The following PTPN18 variants were observed in gnomAD, a reference collection of about 807,000 sequenced individuals.
The protein encoded by PTPN18 is tyrosine-protein phosphatase non-receptor type 18.
PTPN18 carries 65 observed loss-of-function variants against 65.4 expected under a neutral mutation model. The ratio of observed to expected loss-of-function variants is 0.99; its 90% confidence interval spans 0.81 to 1.22. The LOEUF (loss-of-function observed/expected upper bound fraction) is 1.22, where lower values mean the gene tolerates loss of function less well. PTPN18 is among the 50% of genes most tolerant of loss of function. PTPN18 has a pLI of 0.00. For synonymous variants in PTPN18, 255 were observed against 267.8 expected (o/e 0.95, Z 0.47); for missense variants, 616 against 646.5 (o/e 0.95, Z 0.51).
chr2:130,372,595 G>A, intron 13 of PTPN18, 112 bp downstream of exon 13: 2 of 1,272,958 alleles, frequency 1.6e-6, no homozygotes, highest in Non-Finnish European at 1.0e-6. Flanking sequence ...CCAGCCGCTA[G>A]CCTGGCCACG....
intron 5 of PTPN18, among the ~76,000 whole-genome samples, chr2:130,365,153 A>G (rs928327762): frequency 1.3e-5 from 2 of 152,222 alleles, no homozygotes; most frequent in African/African-American, 4.8e-5. Context: ...ATTACTGAGT[A>G]TCAATCATTT....
Position 130,375,125 on chromosome 2 carries a change from C to T in PTPN18, c.*1901C>T. 5.6e-6 allele frequency: 1 copy of T among 177,054 alleles called. No individual in the cohort carries two copies. Among genetic ancestry groups the T allele is most frequent in the South Asian group, 1.3e-4 (1 of 7,748 alleles). 11.0% of individuals were successfully genotyped at this position (177,054 alleles called of 1,614,324 possible). ...TCCCACTCTCCCAATGCCCCTGCCACTCCTGTGAGCCTGCTGCTGGTGAGG... is the reference window on the plus strand; with the variant it reads ...TCCCACTCTCCCAATGCCCCTGCCATTCCTGTGAGCCTGCTGCTGGTGAGG... On this transcript the variant is annotated 3_prime_UTR_variant, in exon 15 of 15. Transcript: ENST00000175756.
chr2:130,373,299 C>T lies in PTPN18; in HGVS notation c.*75C>T, dbSNP rs75019889. 4.6e-3 allele frequency: 6,270 copies of T among 1,363,010 alleles called. 227 individuals carry two copies. The African/African-American group carries it at 0.079, about 17-fold the overall frequency. 84.4% of individuals were successfully genotyped at this position (1,363,010 alleles called of 1,614,324 possible). A position where few individuals can be genotyped will look rare whatever the true frequency, so the allele number is the denominator to read the frequency against. Reference sequence around the variant, plus strand: ...TGCCCCGGTGCTGCTGAGCGCCGTGCGCAGAATGGAAACAGTGGGCCTGGA... The same window carrying T: ...TGCCCCGGTGCTGCTGAGCGCCGTGTGCAGAATGGAAACAGTGGGCCTGGA... On this transcript the variant is annotated 3_prime_UTR_variant, in exon 15 of 15. Coordinates refer to ENST00000175756, the MANE Select transcript of PTPN18 (RefSeq NM_014369.4). The surrounding 1 kb of genome is among the most constrained non-coding windows in gnomAD (Gnocchi z 4.1).
Position 130,366,610 on chromosome 2 carries a change from T to C in PTPN18, c.415-2523T>C, listed in dbSNP as rs144728595. Among the ~76,000 whole-genome samples, 9 of 152,352 alleles carry C rather than the reference T, an allele frequency of 5.9e-5. No individual in the cohort carries two copies. In the East Asian group the frequency reaches 1.2e-3, roughly 20 times the overall value. ...TGGTGCCAGGGTAATACTAGCCTCA[T>C]ACAATATGTTGGGAAATGGTTCCTC... On this transcript the variant is annotated intron_variant, in intron 5 of 14. Coordinates refer to ENST00000175756, the MANE Select transcript of PTPN18 (RefSeq NM_014369.4).
Position 130,356,165 on chromosome 2 carries a change from G to A in PTPN18, c.58G>A (p.Gly20Ser), listed in dbSNP as rs753369736. ...SFLERLEARG[G>S]REGAVLAGEF... ...CCTGGAGCGGCTGGAAGCGCGGGGC[G>A]GCCGGGAGGGGGCAGTCCTCGCCGG... Residue 20 changes from glycine (G) to serine (S), a missense_variant, in exon 1 of 15, where the codon GGC becomes AGC. Around this residue, in one of 3 missense-constraint regions of PTPN18, gnomAD observed 223 missense variants for 210.0 expected, o/e 1.06. Transcript: ENST00000175756. The A allele has an allele frequency of 9.1e-6, 12 of 1,313,516 alleles. No homozygotes were observed. Among genetic ancestry groups the A allele is most frequent in the Non-Finnish European group, 1.2e-5 (12 of 1,036,062 alleles). The allele number at this position is 1,313,516 out of a possible 1,614,324, so 81.4% of individuals were successfully genotyped here. A position where few individuals can be genotyped will look rare whatever the true frequency, so the allele number is the denominator to read the frequency against.
chr2:130,357,254 G>A (rs1275028886), intron 1 of PTPN18, among the ~76,000 whole-genome samples: 1 of 152,106 alleles, frequency 6.6e-6, no homozygotes, highest in East Asian at 1.9e-4. Context: ...TACAATACAG[G>A]TAGTGCAAGC....
At position 130,373,443 on chromosome 2, in the gene PTPN18, G is replaced by A; in HGVS notation, c.*219G>A. The A allele has an allele frequency of 2.1e-6, 1 of 472,714 alleles. No individual in the cohort carries two copies. The highest frequency in any genetic ancestry group is 3.9e-5 in the South Asian group (1 of 25,384). The allele number at this position is 472,714 out of a possible 1,614,324, so 29.3% of individuals were successfully genotyped here. A position where few individuals can be genotyped will look rare whatever the true frequency, so the allele number is the denominator to read the frequency against. On this transcript the variant is annotated 3_prime_UTR_variant, in exon 15 of 15. Transcript: ENST00000175756. The surrounding 1 kb of genome is among the most constrained non-coding windows in gnomAD (Gnocchi z 4.1). Reference sequence around the variant, plus strand: ...ATAGTGGCTGGTGAGGCTGCACAGAGCAGATTCAAGAAAGAAGATCAGGAA... The same window carrying A: ...ATAGTGGCTGGTGAGGCTGCACAGAACAGATTCAAGAAAGAAGATCAGGAA...
rs1680550065 is a variant in PTPN18 at position 130,371,095 on chromosome 2, A to G, written c.925-104A>G. On this transcript the variant is annotated intron_variant, in intron 11 of 14. Transcript: ENST00000175756. Reference sequence around the variant, plus strand: ...ATGACATCCACCTGTGCCCTCCTCCAGGCATCCTTATCAGGCTCTCCCATC... The same window carrying G: ...ATGACATCCACCTGTGCCCTCCTCCGGGCATCCTTATCAGGCTCTCCCATC... The G allele has an allele frequency of 2.9e-6, 4 of 1,375,248 alleles. No individual in the cohort carries two copies. In the East Asian group the frequency reaches 9.3e-5, roughly 32 times the overall value. 85.2% of individuals were successfully genotyped at this position (1,375,248 alleles called of 1,614,324 possible). A position where few individuals can be genotyped will look rare whatever the true frequency, so the allele number is the denominator to read the frequency against.
chr2:130,372,439 C>A lies in PTPN18; in HGVS notation c.1196C>A (p.Pro399His). The A allele has an allele frequency of 7.3e-7, 1 of 1,368,292 alleles. No individual in the cohort carries two copies. Among genetic ancestry groups the A allele is most frequent in the South Asian group, 1.7e-5 (1 of 58,456 alleles). The allele number at this position is 1,368,292 out of a possible 1,614,324, so 84.8% of individuals were successfully genotyped here. Residue 399 changes from proline to histidine, a missense_variant, in exon 13 of 15, where the codon CCC (proline) becomes CAC (histidine). Transcript: ENST00000175756. The part of the protein sequence containing the change: ...YSKVTPRAQR[P>H]GAHAEDARGT... ...AAGGTGACGCCGCGCGCCCAGCGAC[C>A]CGGGGCGCACGCGGAGGACGCGAGG...
chr2:130,368,990 T>G (rs1680468589), intron 5 of PTPN18, 143 bp from the exon 6 acceptor site: 1 of 625,988 alleles, frequency 1.6e-6, no homozygotes, highest in South Asian at 2.1e-5. Context: ...ATGGCTCTGT[T>G]GGCTGGCGTC....
chr2:130,357,873 AAG>A, intron 1 of PTPN18, among the ~76,000 whole-genome samples: 1 of 151,344 alleles, frequency 6.6e-6, no homozygotes, highest in Admixed American at 6.6e-5. Context: ...AAAAAAAAAA[AAG>A]TAACAGATAA....
chr2:130,358,767 T>C, intron 1 of PTPN18, 100 bp from the exon 2 acceptor site: 1 of 922,502 alleles, frequency 1.1e-6, no homozygotes, highest in Non-Finnish European at 1.7e-6. Flanking sequence ...CCCAGGCCAC[T>C]GGCTTTGTAT....
intron 1 of PTPN18, among the ~76,000 whole-genome samples, chr2:130,357,839 G>C (rs1470333952): frequency 1.5e-5 from 2 of 134,458 alleles, no homozygotes; most frequent in African/African-American, 5.9e-5. Flanking sequence ...CTGGGCAACA[G>C]AGCGAGACTC....
Position 130,374,600 on chromosome 2 carries a change from CA to C in PTPN18, c.*1380del. Reference sequence around the variant, plus strand: ...GTGTGGACAAATCTCCAAGTCACTGCAAAATGGAAAAAGTATAAGATGCTCT... The same window carrying C: ...GTGTGGACAAATCTCCAAGTCACTGCAAATGGAAAAAGTATAAGATGCTCT... On this transcript the variant is annotated 3_prime_UTR_variant, in exon 15 of 15. Transcript: ENST00000175756. The C allele has an allele frequency of 2.1e-6, 1 of 470,970 alleles. No homozygotes were observed. Among genetic ancestry groups the C allele is most frequent in the Non-Finnish European group, 4.4e-6 (1 of 226,968 alleles). 29.2% of individuals were successfully genotyped at this position (470,970 alleles called of 1,614,324 possible). A position where few individuals can be genotyped will look rare whatever the true frequency, so the allele number is the denominator to read the frequency against.
At chr2:130,360,557 T>C (rs1039250226) in intron 5 of PTPN18, among the ~76,000 whole-genome samples, 3 of 152,226 alleles carry the variant, frequency 2.0e-5, no homozygotes, top group African/African-American at 7.2e-5. Context: ...TCTTTTTTCA[T>C]GCTCCTGCCT....
Position 130,369,116 on chromosome 2 carries a change from TC to T in PTPN18, c.415-14del, listed in dbSNP as rs1221491861. On this transcript the variant is annotated splice_polypyrimidine_tract_variant and intron_variant, in intron 5 of 14. Coordinates refer to ENST00000175756, the MANE Select transcript of PTPN18 (RefSeq NM_014369.4). ...CCCTCTTCTCACTCCCTGCCTTTTCTCCCTTACCTTTTGCAGAAAAGGTGTG... is the reference window on the plus strand; with the variant it reads ...CCCTCTTCTCACTCCCTGCCTTTTCTCCTTACCTTTTGCAGAAAAGGTGTG... 6.2e-7 allele frequency: 1 copy of T among 1,601,792 alleles called. No individual in the cohort carries two copies. Among genetic ancestry groups the T allele is most frequent in the Non-Finnish European group, 8.5e-7 (1 of 1,171,568 alleles).
At position 130,359,214 on chromosome 2, in the gene PTPN18, T is replaced by C. The variant is rs1680103708; in HGVS notation, c.203-19T>C. ...CTATCCTACCCAAACTCCACGTTTC[T>C]CACCTTATCTGCTGACAGATGATCA... On this transcript the variant is annotated intron_variant, in intron 2 of 14. Coordinates refer to ENST00000175756, the MANE Select transcript of PTPN18 (RefSeq NM_014369.4). The C allele has an allele frequency of 1.2e-6, 2 of 1,613,712 alleles. No homozygotes were observed. The highest frequency in any genetic ancestry group is 1.6e-4 in the Middle Eastern group (1 of 6,062).
chr2:130,362,656 A>C (rs1322754325), intron 5 of PTPN18, among the ~76,000 whole-genome samples: 1 of 152,124 alleles, frequency 6.6e-6, no homozygotes, highest in East Asian at 1.9e-4. Flanking sequence ...TTATAGTTCT[A>C]TATATAAAAT....
chr2:130,356,528 G>A, intron 1 of PTPN18: 1 of 507,726 alleles, frequency 2.0e-6, no homozygotes, highest in Non-Finnish European at 3.9e-6. Flanking sequence ...AGGGGAGGGC[G>A]GGCGGCCCTG....
Sources: gnomAD v4.1 joint callset for allele counts (sites outside exome capture counted in the v4.1 genomes callset) on GRCh38, gnomAD v4.1.1 for gene constraint, gnomAD v4.1.1 regional missense constraint, Gnocchi (gnomAD v3.1) non-coding constraint, MANE v1.5 for transcripts, NCBI Gene and HGNC (gene_info 2026-07-23, HGNC 2026-07-21) for gene names.